PCSK6: variants seen among roughly 807,000 people sequenced by gnomAD.
PCSK6 encodes paired basic amino acid cleaving enzyme 4.
Under a neutral mutation model 123.3 loss-of-function variants are expected in PCSK6, and 85 were observed. The observed-to-expected ratio is 0.69, with a 90% CI of 0.58 to 0.83. PCSK6 has a LOEUF of 0.83. Ranked by LOEUF, PCSK6 falls within the 40% of genes least tolerant of loss-of-function variation. PCSK6 has a pLI of 0.00. For missense variants in PCSK6, 1,191 were observed against 1,282.3 expected, an observed-to-expected ratio of 0.93 and a Z score of 1.09; for synonymous variants, 508 against 516.0, an observed-to-expected ratio of 0.98 and a Z score of 0.21.
chr15:101,381,054 C>CT (rs113469572), intron 11 of PCSK6, among the ~76,000 whole-genome samples: 10,995 of 145,740 alleles, frequency 0.075, 440 homozygotes, highest in South Asian at 0.15. Context: ...TTTATGGCTG[C>CT]TTTTTTTTTT....
chr15:101,453,943 G>A (rs946025995), intron 1 of PCSK6, among the ~76,000 whole-genome samples: 3 of 152,186 alleles, frequency 2.0e-5, no homozygotes, highest in Admixed American at 1.3e-4. Flanking sequence ...ACCTGGGCAC[G>A]CTGCTTACAT....
chr15:101,359,075 G>A (rs559136057), intron 13 of PCSK6, among the ~76,000 whole-genome samples: 3 of 152,320 alleles, frequency 2.0e-5, no homozygotes, highest in South Asian at 2.1e-4. Flanking sequence ...AGGGCTTGCC[G>A]TGCGTCAGCT....
chr15:101,442,978 T>C (rs546505014), intron 2 of PCSK6, among the ~76,000 whole-genome samples: 3 of 152,218 alleles, frequency 2.0e-5, no homozygotes, highest in Non-Finnish European at 4.4e-5. Context: ...CACTTGGCCA[T>C]CTTAAATTTT....
intron 6 of PCSK6, among the ~76,000 whole-genome samples, chr15:101,427,208 C>T (rs1315103031): frequency 1.3e-5 from 2 of 151,990 alleles, no homozygotes; most frequent in Admixed American, 6.5e-5. Context: ...GCACGCGGGG[C>T]AGGGGCGGCT....
intron 13 of PCSK6, among the ~76,000 whole-genome samples, chr15:101,355,052 T>G (rs1315531126): frequency 6.6e-6 from 1 of 152,284 alleles, no homozygotes; most frequent in Non-Finnish European, 1.5e-5. Context: ...AAATTGGACT[T>G]CTTTCCTAGA....
At chr15:101,403,081 C>A (rs964137332) in intron 6 of PCSK6, among the ~76,000 whole-genome samples, 77 of 152,068 alleles carry the variant, frequency 5.1e-4, no homozygotes, top group African/African-American at 1.6e-3. Context: ...CCATGGAATA[C>A]TATGCAGCCA....
In PCSK6 at chr15:101,305,262, C is replaced by G. The variant is rs1455006733; in HGVS notation, c.2906G>C (p.Gly969Ala). 6.2e-7 allele frequency: 1 copy of G among 1,610,134 alleles called. No individual in the cohort carries two copies. The highest frequency in any genetic ancestry group is 2.2e-5 in the East Asian group (1 of 44,828). ...TCTGTGGGCAGCTAGGCACCCTTAC[C>G]CGGCCAGGAGGCACGTGCGGCAGCA... The part of the protein sequence containing the change: ...QFCCRTCLLA[G>A] Residue 969 changes from glycine to alanine, a missense_variant, in exon 22 of 22, where the codon GGG (glycine) becomes GCG (alanine). Physicochemically the swap from Gly to Ala is moderately conservative, Grantham distance 60. Transcript: ENST00000611716. The surrounding 1 kb of genome is among the most constrained non-coding windows in gnomAD (Gnocchi z 4.8).
intron 15 of PCSK6, among the ~76,000 whole-genome samples, chr15:101,327,101 T>C: frequency 6.6e-6 from 1 of 152,194 alleles, no homozygotes; most frequent in Non-Finnish European, 1.5e-5. Context: ...GTTGGGGGGC[T>C]GCTGTTTTCT....
At chr15:101,396,151 C>T (rs758872100) in intron 7 of PCSK6, among the ~76,000 whole-genome samples, 5 of 151,894 alleles carry the variant, frequency 3.3e-5, no homozygotes, top group Non-Finnish European at 5.9e-5. Flanking sequence ...TTCCAAATGA[C>T]GAAAAAAAAT....
chr15:101,450,202 T>TA (rs2056998028), intron 1 of PCSK6, among the ~76,000 whole-genome samples: 1 of 151,456 alleles, frequency 6.6e-6, no homozygotes, highest in South Asian at 2.1e-4. Context: ...GCTGGCCTCT[T>TA]AGTCTCTCCC....
At chr15:101,408,605 C>T (rs557447170) in intron 6 of PCSK6, among the ~76,000 whole-genome samples, 31 of 152,272 alleles carry the variant, frequency 2.0e-4, no homozygotes, top group Non-Finnish European at 2.8e-4. Context: ...AGGTGAGGGA[C>T]GAGGAAGTGG....
At position 101,462,119 on chromosome 15, in the gene PCSK6, GAAGA is replaced by G. The variant is rs572403880; in HGVS notation, c.298-18463_298-18460del. 8.7e-4 allele frequency among the ~76,000 whole-genome samples: 133 copies of G among 152,238 alleles called. 1 individual carries two copies. Among genetic ancestry groups the G allele is most frequent in the African/African-American group, 3.1e-3 (129 of 41,540 alleles). ...TACATAAAAAATAGACAAATTATTG[GAAGA>G]AATAAGGGACTTTATTGAAAGGTGG... On this transcript the variant is annotated intron_variant, in intron 1 of 21. Coordinates refer to ENST00000611716, the MANE Select transcript of PCSK6 (RefSeq NM_002570.5).
intron 9 of PCSK6, among the ~76,000 whole-genome samples, chr15:101,389,022 A>C (rs1032350480): frequency 1.3e-5 from 2 of 152,204 alleles, no homozygotes; most frequent in Admixed American, 6.5e-5. Context: ...AAGGTAATTA[A>C]CATAAAATGA....
At chr15:101,371,711 G>C (rs916310654) in intron 11 of PCSK6, among the ~76,000 whole-genome samples, 6 of 151,432 alleles carry the variant, frequency 4.0e-5, no homozygotes, top group Admixed American at 6.6e-5. Flanking sequence ...TCTGCCTCCA[G>C]GCCTCACTGC....
At chr15:101,323,560 A>T (rs1051922703) in intron 17 of PCSK6, among the ~76,000 whole-genome samples, 18 of 152,122 alleles carry the variant, frequency 1.2e-4, no homozygotes, top group African/African-American at 4.3e-4. Context: ...GTGAAACCCC[A>T]TCTCTACTAA....
intron 11 of PCSK6, among the ~76,000 whole-genome samples, chr15:101,374,781 A>G (rs919729220): frequency 6.6e-6 from 1 of 152,228 alleles, no homozygotes; most frequent in African/African-American, 2.4e-5. Flanking sequence ...GTCGGAGGGC[A>G]CACAGTGCCC....
At position 101,324,951 on chromosome 15, in the gene PCSK6, C is replaced by T. The variant is rs773284250; in HGVS notation, c.2276G>A (p.Arg759Lys). ...CHKGCETCSSRAATQCLSCRR... is the reference protein window; with the variant it reads ...CHKGCETCSSKAATQCLSCRR... Reference sequence around the variant, plus strand: ...GCAAGACAGGCACTGCGTCGCAGCTCTGCTGGAGCAGGTCTCACACCCCTT... The same window carrying T: ...GCAAGACAGGCACTGCGTCGCAGCTTTGCTGGAGCAGGTCTCACACCCCTT... The change falls in exon 17 of 22, where the codon AGA (arginine) becomes AAA (lysine). Residue 759 changes from arginine to lysine, a missense_variant. Coordinates refer to ENST00000611716, the MANE Select transcript of PCSK6 (RefSeq NM_002570.5). 8 of 1,613,444 alleles carry T rather than the reference C, an allele frequency of 5.0e-6. No homozygotes were observed. In the East Asian group the frequency reaches 1.6e-4, roughly 31 times the overall value.
chr15:101,468,374 A>C (rs1596368575), intron 1 of PCSK6, among the ~76,000 whole-genome samples: 1 of 152,190 alleles, frequency 6.6e-6, no homozygotes, highest in South Asian at 2.1e-4. Flanking sequence ...TGTTTAAGCC[A>C]CTATCATCTA....
Position 101,361,164 on chromosome 15 carries a change from C to CTCT in PCSK6, c.1858+5031_1858+5032insAGA, listed in dbSNP as rs1555448997. 2.8e-3 allele frequency among the ~76,000 whole-genome samples: 227 copies of CTCT among 80,710 alleles called. 2 individuals are homozygous for CTCT. The highest frequency in any genetic ancestry group is 8.8e-3 in the African/African-American group (223 of 25,244). 52.9% of individuals were successfully genotyped at this position (80,710 alleles called of 152,430 possible). A position where few individuals can be genotyped will look rare whatever the true frequency, so the allele number is the denominator to read the frequency against. ...AATTTGCCTATAGTTCTTTCTCTCTCTTTTTTTTTTTTTTTTGGCATATTG... is the reference window on the plus strand; with the variant it reads ...AATTTGCCTATAGTTCTTTCTCTCTCTCTTTTTTTTTTTTTTTTTGGCATATTG... On this transcript the variant is annotated intron_variant, in intron 13 of 21. Coordinates refer to ENST00000611716, the MANE Select transcript of PCSK6 (RefSeq NM_002570.5).
Sources: gnomAD v4.1 joint callset for allele counts (sites outside exome capture counted in the v4.1 genomes callset) on GRCh38, gnomAD v4.1.1 for gene constraint, Gnocchi (gnomAD v3.1) non-coding constraint, MANE v1.5 for transcripts, NCBI Gene and HGNC (gene_info 2026-07-23, HGNC 2026-07-21) for gene names.